The following FAT3 variants were observed in gnomAD, a reference collection of about 807,000 sequenced individuals.
The protein encoded by FAT3 is FAT atypical cadherin 3, also known as protocadherin Fat 3.
A neutral mutation model predicts 310.2 loss-of-function variants in FAT3; 95 were observed. The observed-to-expected ratio is 0.31, with a 90% CI of 0.26 to 0.36. The LOEUF (loss-of-function observed/expected upper bound fraction) is 0.36, where lower values mean the gene tolerates loss of function less well. Among genes scored for constraint, FAT3 ranks in the 10% least tolerant of loss-of-function variants. The pLI is 1.00. For synonymous variants in FAT3, 2,314 were observed against 2,192.9 expected, an observed-to-expected ratio of 1.06 and a Z score of -1.54; for missense variants, 5,408 against 5,715.6, an observed-to-expected ratio of 0.95 and a Z score of 1.74.
At position 92,792,958 on chromosome 11, in the gene FAT3, C is replaced by T. The variant is rs1947074772; in HGVS notation, c.4803C>T (p.Leu1601=). Residue 1601 remains leucine (L), a synonymous_variant, in exon 9 of 28, where the codon CTC becomes CTT. Transcript: ENST00000525166. The stretch of plus-strand genomic sequence containing the variant: ...AAGACAAAGGAGAAAATGCAGAACT[C>T]ATATATACCATAGAAGCAGGTGAGA... ...LDKDKGENAE[L]IYTIEAGNTG... The T allele has an allele frequency of 1.2e-6, 2 of 1,613,298 alleles. No homozygotes were observed. The highest frequency in any genetic ancestry group is 1.7e-5 in the Admixed American group (1 of 59,938).
At chr11:92,435,683 G>C (rs915920429) in intron 2 of FAT3, among the ~76,000 whole-genome samples, 4 of 151,070 alleles carry the variant, frequency 2.6e-5, no homozygotes, top group African/African-American at 9.7e-5. Context: ...TCATGCCTCA[G>C]CCACTTGAGT....
intron 1 of FAT3, among the ~76,000 whole-genome samples, chr11:92,234,833 C>T (rs2508592): frequency 0.54 from 81,383 of 149,964 alleles, 22,405 homozygotes; most frequent in East Asian, 0.8. Flanking sequence ...ACCCAGGAGA[C>T]GGAGGTTGCA....
chr11:92,851,053 G>A (rs1431031594), intron 19 of FAT3, among the ~76,000 whole-genome samples: 1 of 152,196 alleles, frequency 6.6e-6, no homozygotes, highest in East Asian at 1.9e-4. Context: ...AAAAACACCT[G>A]CACCTGAGAT....
intron 2 of FAT3, among the ~76,000 whole-genome samples, chr11:92,373,725 G>T (rs574340901): frequency 1.3e-5 from 2 of 150,954 alleles, no homozygotes; most frequent in Admixed American, 6.6e-5. Context: ...ATTAGGCAGG[G>T]TTTCCAGAGA....
intron 3 of FAT3, among the ~76,000 whole-genome samples, chr11:92,580,421 A>C (rs1032402101): frequency 1.3e-5 from 2 of 152,006 alleles, no homozygotes; most frequent in Admixed American, 1.3e-4. Flanking sequence ...CAATTCAGAA[A>C]ATCTTTCTCC....
At chr11:92,368,833 CATATAT>C (rs778237959) in intron 2 of FAT3, among the ~76,000 whole-genome samples, 1 of 140,966 alleles carries the variant, frequency 7.1e-6, no homozygotes, top group East Asian at 2.0e-4. Context: ...TGTGTGTATA[CATATAT>C]ATATATATAC....
intron 2 of FAT3, among the ~76,000 whole-genome samples, chr11:92,467,843 TC>T (rs1234886612): frequency 6.6e-6 from 1 of 152,192 alleles, no homozygotes; most frequent in African/African-American, 2.4e-5. Context: ...CCTTCTTCTA[TC>T]CTGTAAGAAG....
At chr11:92,502,046 T>C (rs1350181825) in intron 2 of FAT3, among the ~76,000 whole-genome samples, 2 of 152,068 alleles carry the variant, frequency 1.3e-5, no homozygotes, top group Non-Finnish European at 2.9e-5. Flanking sequence ...ACATGCTTTT[T>C]ACATTTGTAC....
chr11:92,702,559 T>C (rs1591625941), intron 4 of FAT3, among the ~76,000 whole-genome samples: 4 of 152,314 alleles, frequency 2.6e-5, no homozygotes, highest in East Asian at 3.9e-4. Flanking sequence ...TTGCTTGCCC[T>C]TTCCCTCTTT....
chr11:92,247,186 G>A (rs1864949454), intron 1 of FAT3, among the ~76,000 whole-genome samples: 1 of 152,036 alleles, frequency 6.6e-6, no homozygotes, highest in Non-Finnish European at 1.5e-5. Flanking sequence ...GTGTAGTCAG[G>A]AATATAGGTG....
intron 2 of FAT3, among the ~76,000 whole-genome samples, chr11:92,426,127 A>G (rs1303073512): frequency 6.6e-6 from 1 of 152,202 alleles, no homozygotes; most frequent in Non-Finnish European, 1.5e-5. Flanking sequence ...GATTTCTCTA[A>G]TGACCAGTGA....
At chr11:92,611,929 C>CCT (rs1940579354) in intron 3 of FAT3, among the ~76,000 whole-genome samples, 1 of 152,144 alleles carries the variant, frequency 6.6e-6, no homozygotes, top group Admixed American at 6.5e-5. Context: ...AGTTTCTTAA[C>CCT]CTTTTTGTGC....
chr11:92,416,892 T>G (rs1255515545), intron 2 of FAT3, among the ~76,000 whole-genome samples: 2 of 152,170 alleles, frequency 1.3e-5, no homozygotes, highest in African/African-American at 2.4e-5. Context: ...TGACCTTTGG[T>G]TGGAGCAGAT....
chr11:92,478,187 A>G (rs1270564385), intron 2 of FAT3, among the ~76,000 whole-genome samples: 1 of 152,206 alleles, frequency 6.6e-6, no homozygotes, highest in Non-Finnish European at 1.5e-5. Context: ...ATTTATTTCA[A>G]AGAAACTGTC....
intron 4 of FAT3, among the ~76,000 whole-genome samples, chr11:92,705,872 ATGG>A (rs1591631186): frequency 3.5e-4 from 9 of 25,472 alleles, no homozygotes; most frequent in South Asian, 1.4e-3. Context: ...TGGTGGTGTG[ATGG>A]TGGTGGTGGT....
At chr11:92,232,201 G>C (rs532375816) in intron 1 of FAT3, among the ~76,000 whole-genome samples, 7 of 152,084 alleles carry the variant, frequency 4.6e-5, no homozygotes, top group Non-Finnish European at 1.0e-4. Flanking sequence ...GCCAAATGCA[G>C]ATGACTTTAA....
At chr11:92,803,944 C>T (rs1292749303) in intron 10 of FAT3, among the ~76,000 whole-genome samples, 1 of 152,198 alleles carries the variant, frequency 6.6e-6, no homozygotes, top group Admixed American at 6.5e-5. Context: ...CAGCCCCTTG[C>T]ATTATAAGCA....
chr11:92,848,171 A>G (rs1387677817), intron 19 of FAT3, among the ~76,000 whole-genome samples: 7 of 152,228 alleles, frequency 4.6e-5, no homozygotes, highest in Non-Finnish European at 1.0e-4. Context: ...TTTCTCATAC[A>G]GAGAGTTTTT....
At chr11:92,765,115 A>G in intron 6 of FAT3, 26 bp downstream of exon 6, 1 of 1,544,618 alleles carries the variant, frequency 6.5e-7, no homozygotes, top group Non-Finnish European at 8.8e-7. Flanking sequence ...ACAGAGCAGT[A>G]TCATGCAATG....
Sources: allele counts gnomAD v4.1 joint callset (sites outside exome capture counted in the v4.1 genomes callset), GRCh38; gene constraint gnomAD v4.1.1; transcripts MANE v1.5; gene names NCBI Gene and HGNC (gene_info 2026-07-23, HGNC 2026-07-21).